CELA3B: variants seen among roughly 807,000 people sequenced by gnomAD.
The protein encoded by CELA3B is chymotrypsin-like elastase family member 3B.
CELA3B carries 34 observed loss-of-function variants against 37.2 expected under a neutral mutation model. The observed-to-expected ratio is 0.91, with a 90% CI of 0.70 to 1.22. The LOEUF (loss-of-function observed/expected upper bound fraction) is 1.22, where lower values mean the gene tolerates loss of function less well. Ranked by LOEUF, CELA3B falls within the 50% of genes most tolerant of loss-of-function variation. CELA3B has a pLI of 0.00. For synonymous variants in CELA3B, 127 were observed against 143.5 expected, an observed-to-expected ratio of 0.89 and a Z score of 0.82; for missense variants, 340 against 363.1, an observed-to-expected ratio of 0.94 and a Z score of 0.52.
At chr1:21,988,327 C>T (rs1287256927) in intron 7 of CELA3B, among the ~76,000 whole-genome samples, 1 of 151,788 alleles carries the variant, frequency 6.6e-6, no homozygotes, top group Non-Finnish European at 1.5e-5. Flanking sequence ...CACGGTGGCT[C>T]ATGCCTGTAA....
chr1:21,985,170 C>T (rs984601574), intron 6 of CELA3B, among the ~76,000 whole-genome samples: 3 of 151,976 alleles, frequency 2.0e-5, no homozygotes, highest in African/African-American at 7.2e-5. Flanking sequence ...GTAGTCCCAA[C>T]TACTTGAGAG....
At position 21,984,067 on chromosome 1, in the gene CELA3B, T is replaced by C. The variant is rs1644822570; in HGVS notation, c.500-122T>C. ...GGTGCACAAAGCATGCAGGACCATT[T>C]AGCGGGTGGGAGGAGAGTCCTCATC... On this transcript the variant is annotated intron_variant, in intron 5 of 7. Transcript: ENST00000337107. 2.2e-5 allele frequency: 29 copies of C among 1,326,668 alleles called. No homozygotes were observed. In the South Asian group the frequency reaches 3.2e-4, roughly 15 times the overall value. The allele number at this position is 1,326,668 out of a possible 1,614,324, so 82.2% of individuals were successfully genotyped here.
At chr1:21,991,372 G>C (rs1263337840), downstream of CELA3B, among the ~76,000 whole-genome samples, 2 of 147,596 alleles carry the variant, frequency 1.4e-5, no homozygotes, top group African/African-American at 5.2e-5. Flanking sequence ...GTCTCGCTCT[G>C]TCGCCCAGGC....
chr1:21,986,430 A>T (rs1285472416), intron 6 of CELA3B, 101 bp from the exon 7 acceptor site: 24 of 1,455,194 alleles, frequency 1.6e-5, no homozygotes, highest in Middle Eastern at 4.8e-4. Context: ...GGCTCAGAGG[A>T]GTCAGGTAAT....
chr1:21,991,892 A>G (rs939261337), downstream of CELA3B, among the ~76,000 whole-genome samples: 8 of 150,940 alleles, frequency 5.3e-5, no homozygotes, highest in Non-Finnish European at 1.0e-4. Context: ...GGCTGAGGCC[A>G]GTGGATCACT....
chr1:21,998,584 G>A (rs926304496), exon 5 of CELA3B: 3 of 159,980 alleles, frequency 1.9e-5, no homozygotes, highest in Non-Finnish European at 4.1e-5. Context: ...CATTTGAAGA[G>A]TCCTTTCCCT....
intron 2 of CELA3B, among the ~76,000 whole-genome samples, 185 bp downstream of exon 2, chr1:21,978,639 C>A (rs916291515): frequency 1.3e-5 from 2 of 152,206 alleles, no homozygotes; most frequent in African/African-American, 4.8e-5. Flanking sequence ...GTAACCCTCA[C>A]TGGGCTATTT....
In CELA3B at chr1:21,978,487, C is replaced by T. The variant is rs190263983; in HGVS notation, c.129+33C>T. On this transcript the variant is annotated intron_variant, in intron 2 of 7. Transcript: ENST00000337107. ...CAATAGCAGCTGCCCTCATTCCCAC[C>T]GTGGGCTCTGGACCCTAAGCTCTAA... 2.2e-3 allele frequency: 3,538 copies of T among 1,608,516 alleles called. 9 individuals carry two copies. The highest frequency in any genetic ancestry group is 2.7e-3 in the Middle Eastern group (16 of 6,014).
chr1:21,986,127 G>T (rs1164562349), intron 6 of CELA3B, among the ~76,000 whole-genome samples: 1 of 150,600 alleles, frequency 6.6e-6, no homozygotes, highest in Non-Finnish European at 1.5e-5. Flanking sequence ...TAATCCCTTT[G>T]GGAGGCCCCG....
Position 21,981,123 on chromosome 1 carries a change from G to T in CELA3B, c.313G>T (p.Gly105Trp). 6 of 1,613,102 alleles carry T rather than the reference G, an allele frequency of 3.7e-6. No individual in the cohort carries two copies. The highest frequency in any genetic ancestry group is 5.1e-6 in the Non-Finnish European group (6 of 1,180,036). The change falls in exon 4 of 8, where the codon GGG becomes TGG. Residue 105 changes from glycine to tryptophan, a missense_variant. Physicochemically the swap from Gly to Trp is radical, Grantham distance 184. Transcript: ENST00000337107. ...GPEQVIPINS[G>W]DLFVHPLWNR... ...CGAGCAGGTGATCCCCATCAACTCT[G>T]GGGACCTCTTTGTGCATCCACTCTG... is the stretch of plus-strand genomic sequence containing the variant.
At chr1:21,994,009 C>G (rs1225563172), downstream of CELA3B, among the ~76,000 whole-genome samples, 1 of 150,756 alleles carries the variant, frequency 6.6e-6, no homozygotes, top group Non-Finnish European at 1.5e-5. Flanking sequence ...CAGAGACATG[C>G]TTCAAGACAT....
chr1:21,997,591 G>A (rs373976411), intron 4 of CELA3B, among the ~76,000 whole-genome samples: 2 of 150,310 alleles, frequency 1.3e-5, no homozygotes, highest in East Asian at 3.9e-4. Flanking sequence ...GGGAGGCTGA[G>A]GGCAGAAGAA....
Position 21,978,356 on chromosome 1 carries a change from C to T in CELA3B, c.44-13C>T, listed in dbSNP as rs767296284. On this transcript the variant is annotated splice_polypyrimidine_tract_variant and intron_variant, in intron 1 of 7. Coordinates refer to ENST00000337107, the MANE Select transcript of CELA3B (RefSeq NM_007352.4). ...ACCCTCCCGCTGATTGACAGCTCTCCTCTCCCCTCTAGCCTCAGGCTATGG... is the reference window on the plus strand; with the variant it reads ...ACCCTCCCGCTGATTGACAGCTCTCTTCTCCCCTCTAGCCTCAGGCTATGG... 3 of 1,613,902 alleles carry T rather than the reference C, an allele frequency of 1.9e-6. No homozygotes were observed. In the African/African-American group the frequency reaches 4.0e-5, roughly 22 times the overall value.
chr1:21,992,466 G>A (rs1644872672), downstream of CELA3B, among the ~76,000 whole-genome samples: 1 of 151,614 alleles, frequency 6.6e-6, no homozygotes, highest in African/African-American at 2.4e-5. Context: ...AGGTACTCAA[G>A]TGCAGCTTCT....
At chr1:21,994,150 C>T (rs993072859), downstream of CELA3B, among the ~76,000 whole-genome samples, 4 of 151,236 alleles carry the variant, frequency 2.6e-5, no homozygotes, top group African/African-American at 2.4e-5. Flanking sequence ...TAGATTTATT[C>T]CTTGCTGTAT....
chr1:21,978,592 C>T, intron 2 of CELA3B, 138 bp downstream of exon 2: 1 of 1,042,878 alleles, frequency 9.6e-7, no homozygotes, highest in Non-Finnish European at 1.4e-6. Flanking sequence ...AGCCCTTGGA[C>T]CATCTACTTC....
chr1:21,994,348 G>A (rs1319638175), downstream of CELA3B, among the ~76,000 whole-genome samples: 2 of 150,558 alleles, frequency 1.3e-5, 1 homozygote, highest in African/African-American at 4.9e-5. Flanking sequence ...CAGCTTTGGC[G>A]AGGTGACCTC....
At chr1:21,995,468 G>T (rs1644886762) in intron 4 of CELA3B, among the ~76,000 whole-genome samples, 2 of 150,998 alleles carry the variant, frequency 1.3e-5, no homozygotes. Context: ...GTGTACAGGG[G>T]CTGTGCAGAA....
chr1:21,980,237 C>T (rs1488843845), intron 2 of CELA3B, among the ~76,000 whole-genome samples: 2 of 140,570 alleles, frequency 1.4e-5, no homozygotes, highest in Non-Finnish European at 3.1e-5. Context: ...CCCAGCACTT[C>T]GGGAGGCCGA....
Sources: gnomAD v4.1 joint callset for allele counts (sites outside exome capture counted in the v4.1 genomes callset) on GRCh38, gnomAD v4.1.1 for gene constraint, MANE v1.5 for transcripts, NCBI Gene and HGNC (gene_info 2026-07-23, HGNC 2026-07-21) for gene names.